Variants in GNG7 observed in about 807,000 individuals in gnomAD.
GNG7 encodes G protein subunit gamma 7.
GNG7 carries 1 observed loss-of-function variant against 4.0 expected under a neutral mutation model. That is an observed-to-expected ratio of 0.25 (90% CI 0.09 to 1.18). GNG7 has a LOEUF of 1.18. Ranked by LOEUF, GNG7 falls within the 50% of genes most tolerant of loss-of-function variation. GNG7 has a pLI of 0.50. For synonymous variants in GNG7, 34 were observed against 36.9 expected (o/e 0.92, Z 0.29); for missense variants, 86 against 91.9 (o/e 0.94, Z 0.26).
At chr19:2,531,407 T>G (rs1405245841) in intron 3 of GNG7, among the ~76,000 whole-genome samples, 1 of 151,604 alleles carries the variant, frequency 6.6e-6, no homozygotes, top group Non-Finnish European at 1.5e-5. Flanking sequence ...TCCCTAATAT[T>G]GGATTAAGGT....
intron 1 of GNG7, among the ~76,000 whole-genome samples, chr19:2,677,601 T>C (rs763415116): frequency 6.6e-6 from 1 of 152,172 alleles, no homozygotes; most frequent in Non-Finnish European, 1.5e-5. Flanking sequence ...GCTCCTGCGA[T>C]TCTCCTCCTC....
chr19:2,519,137 T>C (rs571054365), intron 4 of GNG7, among the ~76,000 whole-genome samples: 97 of 145,964 alleles, frequency 6.6e-4, no homozygotes, highest in African/African-American at 2.0e-3. Flanking sequence ...GGTTGTTTTT[T>C]TCTTGTTTCT....
chr19:2,536,159 C>T (rs1445945125), intron 3 of GNG7, among the ~76,000 whole-genome samples: 3 of 151,582 alleles, frequency 2.0e-5, no homozygotes, highest in Non-Finnish European at 2.9e-5. Flanking sequence ...GGCTCCCACC[C>T]GTAATCCCAG....
intron 1 of GNG7, among the ~76,000 whole-genome samples, chr19:2,660,633 A>G (rs149249603): frequency 6.6e-6 from 1 of 152,212 alleles, no homozygotes; most frequent in East Asian, 1.9e-4. Context: ...TGTACAAAAA[A>G]TACAAAAATT....
At chr19:2,573,779 G>A (rs557655296) in intron 2 of GNG7, among the ~76,000 whole-genome samples, 102 of 152,272 alleles carry the variant, frequency 6.7e-4, no homozygotes, top group African/African-American at 2.4e-3. Context: ...GGAGGCGGAG[G>A]TGGCAGTGAG....
At chr19:2,529,173 G>T (rs183158996) in intron 3 of GNG7, among the ~76,000 whole-genome samples, 1 of 152,252 alleles carries the variant, frequency 6.6e-6, no homozygotes, top group Admixed American at 6.5e-5. Flanking sequence ...CCACAAACTG[G>T]GTGTCCTGAA....
intron 2 of GNG7, among the ~76,000 whole-genome samples, chr19:2,637,288 G>A (rs780760701): frequency 3.9e-5 from 6 of 152,242 alleles, no homozygotes; most frequent in South Asian, 2.1e-4. Flanking sequence ...AAGGATAGGA[G>A]CAGGGGATCA....
At chr19:2,607,971 A>C (rs1221161127) in intron 2 of GNG7, among the ~76,000 whole-genome samples, 1 of 151,804 alleles carries the variant, frequency 6.6e-6, no homozygotes, top group African/African-American at 2.4e-5. Context: ...ACACGCACGC[A>C]GACCACACCA....
rs1475469087 is a variant in GNG7, at chr19:2,606,694, TA to T, written c.-78+39529del. Among the ~76,000 whole-genome samples the T allele has an allele frequency of 5.5e-3, 805 of 147,332 alleles. 8 individuals are homozygous for T. Among genetic ancestry groups the T allele is most frequent in the African/African-American group, 0.018 (725 of 40,128 alleles). The stretch of plus-strand genomic sequence containing the variant: ...TAATTAATTAATTAATTAATTAATT[TA>T]AAAAAAAAGTTAGACCCTGTCTCAA... On this transcript the variant is annotated intron_variant, in intron 2 of 4. Transcript: ENST00000382159.
At chr19:2,659,120 C>A (rs571927206) in intron 1 of GNG7, among the ~76,000 whole-genome samples, 18 of 152,052 alleles carry the variant, frequency 1.2e-4, no homozygotes, top group Middle Eastern at 3.4e-3. Context: ...CAGGCGCCCG[C>A]CACCACACCT....
chr19:2,644,841 A>C (rs1982623776), intron 2 of GNG7, among the ~76,000 whole-genome samples: 2 of 152,116 alleles, frequency 1.3e-5, no homozygotes, highest in Non-Finnish European at 2.9e-5. Context: ...CATGGTGTGG[A>C]TGGAGGATGT....
intron 1 of GNG7, among the ~76,000 whole-genome samples, chr19:2,687,004 G>A (rs1394807899): frequency 1.2e-4 from 18 of 151,048 alleles, no homozygotes; most frequent in African/African-American, 2.9e-4. Flanking sequence ...CGCCCGCCTC[G>A]GCCTCCCAAA....
intron 2 of GNG7, among the ~76,000 whole-genome samples, chr19:2,570,842 G>C (rs1980122722): frequency 6.6e-6 from 1 of 152,174 alleles, no homozygotes; most frequent in Admixed American, 6.5e-5. Flanking sequence ...CTGTCACCCA[G>C]GCTGGAGTAC....
At chr19:2,556,502 G>GT (rs1164042644) in intron 2 of GNG7, among the ~76,000 whole-genome samples, 3 of 152,190 alleles carry the variant, frequency 2.0e-5, no homozygotes, top group African/African-American at 4.8e-5. Flanking sequence ...AAACCAATGG[G>GT]TTTTTTTCCA....
intron 2 of GNG7, among the ~76,000 whole-genome samples, chr19:2,595,595 C>T (rs1327152210): frequency 2.6e-5 from 4 of 151,624 alleles, no homozygotes; most frequent in Non-Finnish European, 4.4e-5. Flanking sequence ...ATTAGCCGGG[C>T]GTGGTGGCGG....
intron 2 of GNG7, among the ~76,000 whole-genome samples, chr19:2,587,180 C>T (rs1027066330): frequency 1.4e-4 from 22 of 151,912 alleles, no homozygotes; most frequent in African/African-American, 5.3e-4. Flanking sequence ...AGAGTTGCGG[C>T]GGCAAGAAGA....
chr19:2,640,366 T>C (rs1450615876), intron 2 of GNG7, among the ~76,000 whole-genome samples: 5 of 152,132 alleles, frequency 3.3e-5, no homozygotes, highest in African/African-American at 1.2e-4. Context: ...TTTAAAGTGA[T>C]AAGTCACCAC....
At chr19:2,701,287 C>T (rs952962316) in intron 1 of GNG7, 2 of 152,006 alleles carry the variant, frequency 1.3e-5, no homozygotes, top group African/African-American at 4.8e-5. Flanking sequence ...CTGGATCCTA[C>T]CTGAGACACC....
At position 2,512,376 on chromosome 19, in the gene GNG7, T is replaced by G. The variant is rs1012733054; in HGVS notation, c.*2646A>C. Reference sequence around the variant, plus strand: ...AAGAAAAAAAAAAGTGGAGAATTTTTTTTTTAATCCCCCAAGCTAGAAAGA... The same window carrying G: ...AAGAAAAAAAAAAGTGGAGAATTTTGTTTTTAATCCCCCAAGCTAGAAAGA... On this transcript the variant is annotated 3_prime_UTR_variant, in exon 5 of 5. Coordinates refer to ENST00000382159, the MANE Select transcript of GNG7 (RefSeq NM_052847.3). This position sits in a 1 kb window ranked among gnomAD's most constrained non-coding sequence, Gnocchi z 4.7. 5.1e-6 allele frequency: 5 copies of G among 985,410 alleles called. No homozygotes were observed. The highest frequency in any genetic ancestry group is 1.1e-4 in the East Asian group (1 of 8,824). The allele number at this position is 985,410 out of a possible 1,614,324, so 61.0% of individuals were successfully genotyped here. A position where few individuals can be genotyped will look rare whatever the true frequency, so the allele number is the denominator to read the frequency against.
Sources: gnomAD v4.1 joint callset for allele counts (sites outside exome capture counted in the v4.1 genomes callset) on GRCh38, gnomAD v4.1.1 for gene constraint, Gnocchi (gnomAD v3.1) non-coding constraint, MANE v1.5 for transcripts, NCBI Gene and HGNC (gene_info 2026-07-23, HGNC 2026-07-21) for gene names.